CDH13: variants seen among roughly 807,000 people sequenced by gnomAD.
CDH13 encodes cadherin 13, also known as cadherin-13.
In CDH13, 24 loss-of-function variants were observed where a neutral mutation model predicts 63.8. The ratio of observed to expected loss-of-function variants is 0.38; its 90% CI spans 0.27 to 0.53. CDH13 has a LOEUF of 0.53. Among genes scored for constraint, CDH13 ranks in the 20% least tolerant of loss-of-function variants. The pLI is 0.85. For synonymous variants in CDH13, 503 were observed against 355.3 expected, an observed-to-expected ratio of 1.42 and a Z score of -4.67; for missense variants, 1,049 against 903.1, an observed-to-expected ratio of 1.16 and a Z score of -2.07.
chr16:82,908,012 C>T (rs1000957248), intron 2 of CDH13, among the ~76,000 whole-genome samples: 4 of 152,138 alleles, frequency 2.6e-5, no homozygotes, highest in African/African-American at 9.7e-5. Flanking sequence ...GGTACATGTT[C>T]TACCTGATTT....
rs899128111 is a variant in CDH13 at position 82,774,001 on chromosome 16, T to C, written c.46-84361T>C. Among the ~76,000 whole-genome samples, 3 of 152,226 alleles carry C rather than the reference T, an allele frequency of 2.0e-5. No individual in the cohort carries two copies. In the South Asian group the frequency reaches 6.2e-4, roughly 32 times the overall value. On this transcript the variant is annotated intron_variant, in intron 1 of 13. Transcript: ENST00000567109. ...GGTTTCACTATGTTGGCCAGGCTGGTCTCAATCTCCTGACCTCGTGATCCA... is the reference window on the plus strand; with the variant it reads ...GGTTTCACTATGTTGGCCAGGCTGGCCTCAATCTCCTGACCTCGTGATCCA...
In CDH13 at chr16:83,420,356, G is replaced by C. The variant is rs535990213; in HGVS notation, c.782-66121G>C. On this transcript the variant is annotated intron_variant, in intron 6 of 13. Coordinates refer to ENST00000567109, the MANE Select transcript of CDH13 (RefSeq NM_001257.5). The stretch of plus-strand genomic sequence containing the variant: ...AGATTCGAAGCAGTTGAATTCTCAA[G>C]CAGCGTTCAGACACAGAGATTAATG... Among the ~76,000 whole-genome samples, 16 of 152,320 alleles carry C rather than the reference G, an allele frequency of 1.1e-4. No homozygotes were observed. In the South Asian group the frequency reaches 3.3e-3, roughly 32 times the overall value.
chr16:82,728,235 A>G (rs565875374), intron 1 of CDH13, among the ~76,000 whole-genome samples: 35 of 152,284 alleles, frequency 2.3e-4, no homozygotes, highest in African/African-American at 6.7e-4. Flanking sequence ...CTCAGATGCA[A>G]TCCTTCAATG....
At chr16:82,703,032 CACTT>C (rs1227284685) in intron 1 of CDH13, among the ~76,000 whole-genome samples, 4 of 152,176 alleles carry the variant, frequency 2.6e-5, no homozygotes, top group African/African-American at 9.7e-5. Flanking sequence ...GCTCTACAAA[CACTT>C]ACAGCATCAG....
At chr16:83,012,009 T>G (rs1218396665) in intron 2 of CDH13, among the ~76,000 whole-genome samples, 1 of 152,208 alleles carries the variant, frequency 6.6e-6, no homozygotes, top group Non-Finnish European at 1.5e-5. Flanking sequence ...GATCACTAGA[T>G]TTTAATTTTA....
At chr16:83,443,021 C>T (rs546005057) in intron 6 of CDH13, among the ~76,000 whole-genome samples, 1 of 152,182 alleles carries the variant, frequency 6.6e-6, no homozygotes, top group Admixed American at 6.5e-5. Flanking sequence ...AAATAAAGCC[C>T]ACCAAAATAC....
chr16:83,504,940 C>G (rs1318827612), intron 7 of CDH13, among the ~76,000 whole-genome samples: 1 of 152,124 alleles, frequency 6.6e-6, no homozygotes, highest in African/African-American at 2.4e-5. Context: ...AATAAAGCAT[C>G]AAAATTTCCT....
In CDH13 at chr16:83,014,742, AAAT is replaced by A. The variant is rs1230295503; in HGVS notation, c.158-17266_158-17264del. On this transcript the variant is annotated intron_variant, in intron 2 of 13. Transcript: ENST00000567109. ...GGAGACTCCATCTAAAAAAAAAAAA[AAAT>A]ATATATATATATATATATATATATA... Among the ~76,000 whole-genome samples, 241 of 29,578 alleles carry A rather than the reference AAAT, an allele frequency of 8.1e-3. 8 individuals carry two copies. Among genetic ancestry groups the A allele is most frequent in the African/African-American group, 0.019 (179 of 9,482 alleles). 19.4% of individuals were successfully genotyped at this position (29,578 alleles called of 152,430 possible). A position where few individuals can be genotyped will look rare whatever the true frequency, so the allele number is the denominator to read the frequency against.
intron 6 of CDH13, among the ~76,000 whole-genome samples, chr16:83,454,365 C>T (rs1016870285): frequency 6.6e-6 from 1 of 152,140 alleles, no homozygotes; most frequent in Middle Eastern, 3.2e-3. Context: ...TTTGATTTAC[C>T]TTTTTTAATT....
intron 2 of CDH13, among the ~76,000 whole-genome samples, chr16:83,030,699 A>C (rs1916228054): frequency 6.7e-6 from 1 of 150,162 alleles, no homozygotes; most frequent in African/African-American, 2.4e-5. Context: ...CCAATCCTTG[A>C]GAAGCACTCC....
chr16:82,864,248 G>C (rs1352076821), intron 2 of CDH13, among the ~76,000 whole-genome samples: 5 of 152,158 alleles, frequency 3.3e-5, no homozygotes, highest in African/African-American at 1.2e-4. Context: ...ACATTTTCAT[G>C]AAGGGACTCC....
intron 7 of CDH13, 75 bp downstream of exon 7, chr16:83,486,730 C>T (rs1214086777): frequency 7.2e-7 from 1 of 1,396,108 alleles, no homozygotes; most frequent in African/African-American, 1.4e-5. Flanking sequence ...ATGTGGGGCT[C>T]CAGTCAGTGG....
At chr16:83,443,289 C>T (rs75043380) in intron 6 of CDH13, among the ~76,000 whole-genome samples, 5,476 of 152,188 alleles carry the variant, frequency 0.036, 217 homozygotes, top group African/African-American at 0.089. Context: ...GAGAAAGAGG[C>T]TGGGAGGCCC....
chr16:82,681,694 A>G (rs1272686216), intron 1 of CDH13, among the ~76,000 whole-genome samples: 1 of 152,136 alleles, frequency 6.6e-6, no homozygotes, highest in Non-Finnish European at 1.5e-5. Context: ...TCCAGTAGCC[A>G]GCGCCTGCCT....
At chr16:83,375,938 T>C (rs550912458) in intron 6 of CDH13, among the ~76,000 whole-genome samples, 2 of 152,202 alleles carry the variant, frequency 1.3e-5, no homozygotes, top group African/African-American at 4.8e-5. Context: ...GCAGAGTGTA[T>C]GCATTAGGAC....
At chr16:83,707,770 G>C (rs576601308) in intron 10 of CDH13, among the ~76,000 whole-genome samples, 2 of 135,436 alleles carry the variant, frequency 1.5e-5, no homozygotes, top group Non-Finnish European at 3.1e-5. Flanking sequence ...AGGAGAAAGA[G>C]TGAGATGAAA....
chr16:82,630,242 C>T (rs1474267770), intron 1 of CDH13, among the ~76,000 whole-genome samples: 1 of 152,102 alleles, frequency 6.6e-6, no homozygotes, highest in Non-Finnish European at 1.5e-5. Flanking sequence ...CCCCTAGGGT[C>T]AATACATGAC....
intron 2 of CDH13, among the ~76,000 whole-genome samples, chr16:82,932,472 C>G (rs2042531101): frequency 6.6e-6 from 1 of 152,116 alleles, no homozygotes; most frequent in South Asian, 2.1e-4. Flanking sequence ...ACATTTTCCA[C>G]AAACTTTTCC....
chr16:83,319,322 T>C (rs1469827297), intron 5 of CDH13, among the ~76,000 whole-genome samples: 1 of 152,218 alleles, frequency 6.6e-6, no homozygotes, highest in East Asian at 1.9e-4. Flanking sequence ...AGGCGTTTAT[T>C]CCTCGGTGTT....
Sources: allele counts gnomAD v4.1 joint callset (sites outside exome capture counted in the v4.1 genomes callset), GRCh38; gene constraint gnomAD v4.1.1; transcripts MANE v1.5; gene names NCBI Gene and HGNC (gene_info 2026-07-23, HGNC 2026-07-21).